CABIN1: variants seen among roughly 807,000 people sequenced by gnomAD.
CABIN1 encodes the protein calcineurin-binding protein cabin-1.
In CABIN1, 133 loss-of-function variants were observed where a neutral mutation model predicts 227.7. That is an observed-to-expected ratio of 0.58 (90% CI 0.51 to 0.67). CABIN1 has a LOEUF of 0.67. CABIN1 is among the 30% of genes least tolerant of loss of function. The pLI is 0.00. For synonymous variants in CABIN1, 1,086 were observed against 1,155.1 expected (o/e 0.94, Z 1.21); for missense variants, 2,408 against 2,852.5 (o/e 0.84, Z 3.55).
intron 29 of CABIN1, among the ~76,000 whole-genome samples, chr22:24,141,520 A>C (rs1299415232): frequency 6.6e-6 from 1 of 152,180 alleles, no homozygotes; most frequent in East Asian, 1.9e-4. Context: ...ACAGGTCCCC[A>C]CAGCCAAGCG....
intron 4 of CABIN1, among the ~76,000 whole-genome samples, chr22:24,039,563 T>C (rs1254119662): frequency 6.6e-6 from 1 of 152,198 alleles, no homozygotes; most frequent in Non-Finnish European, 1.5e-5. Flanking sequence ...TTACTGAGCT[T>C]TGGTTATGGA....
chr22:24,049,504 G>A (rs2038159230), intron 7 of CABIN1, among the ~76,000 whole-genome samples: 1 of 152,094 alleles, frequency 6.6e-6, no homozygotes, highest in Admixed American at 6.5e-5. Context: ...GGATGCTTGG[G>A]GCAGCCTGCT....
intron 1 of CABIN1, among the ~76,000 whole-genome samples, chr22:24,026,555 T>C (rs1601670200): frequency 6.6e-6 from 1 of 152,276 alleles, no homozygotes. Flanking sequence ...TTTTTTGTAT[T>C]ACATGTGAAT....
In CABIN1 at chr22:24,056,376, T is replaced by C. The variant is rs751946444; in HGVS notation, c.1262+16T>C. On this transcript the variant is annotated intron_variant, in intron 10 of 36. Coordinates refer to ENST00000263119, the MANE Select transcript of CABIN1 (RefSeq NM_012295.4). ...TGCCGTCCAGGTACTGTGTATTTTT[T>C]CTGATTGTCAGAAACAAACCCACAA... The C allele has an allele frequency of 1.5e-5, 24 of 1,613,520 alleles. No individual in the cohort carries two copies. In the East Asian group the frequency reaches 4.7e-4, roughly 31 times the overall value.
At chr22:24,074,010 G>A (rs530788601) in intron 18 of CABIN1, among the ~76,000 whole-genome samples, 7 of 13,948 alleles carry the variant, frequency 5.0e-4, no homozygotes, top group Middle Eastern at 0.029. Flanking sequence ...CTTTTTGCTT[G>A]TACCCAATTT....
At chr22:24,087,865 A>G (rs536301060) in intron 23 of CABIN1, 152 bp downstream of exon 23, 1 of 1,060,276 alleles carries the variant, frequency 9.4e-7, no homozygotes, top group Admixed American at 2.1e-5. Flanking sequence ...GGCTTAAGCC[A>G]TACCATGGTC....
intron 27 of CABIN1, among the ~76,000 whole-genome samples, chr22:24,114,471 T>C (rs1003600111): frequency 3.9e-5 from 6 of 152,240 alleles, no homozygotes. Flanking sequence ...TGCTGGGCAC[T>C]GTGTTAATTC....
Position 24,035,360 on chromosome 22 carries a change from G to A in CABIN1, c.-74-84G>A. ...GCCTGTCTGCATAGAGCTCAGGGAA[G>A]GACTGGTTCCTGGTGGACCTTGGCA... On this transcript the variant is annotated intron_variant, in intron 1 of 36. Coordinates refer to ENST00000263119, the MANE Select transcript of CABIN1 (RefSeq NM_012295.4). 3 of 901,202 alleles carry A rather than the reference G, an allele frequency of 3.3e-6. No individual in the cohort carries two copies. In the South Asian group the frequency reaches 4.1e-5, roughly 12 times the overall value. 55.8% of individuals were successfully genotyped at this position (901,202 alleles called of 1,614,324 possible). A position where few individuals can be genotyped will look rare whatever the true frequency, so the allele number is the denominator to read the frequency against.
chr22:24,051,036 G>A (rs185280114), intron 8 of CABIN1, 62 bp downstream of exon 8: 80 of 1,602,912 alleles, frequency 5.0e-5, no homozygotes, highest in South Asian at 4.5e-4. Flanking sequence ...GTGGGATGCT[G>A]CCCTGCACAG....
intron 14 of CABIN1, 144 bp from the exon 15 acceptor site, chr22:24,063,891 C>A (rs1424218832): frequency 1.2e-5 from 11 of 911,604 alleles, no homozygotes; most frequent in African/African-American, 9.8e-5. Context: ...ACATGCCAGG[C>A]CTTTCTTAGG....
chr22:24,076,322 G>C, intron 19 of CABIN1, 38 bp downstream of exon 19: 1 of 1,531,586 alleles, frequency 6.5e-7, no homozygotes, highest in Admixed American at 1.7e-5. Flanking sequence ...TGCCAGTGCG[G>C]GGCAGGGCTG....
chr22:24,074,733 G>A (rs2040323929), intron 18 of CABIN1, among the ~76,000 whole-genome samples: 1 of 152,220 alleles, frequency 6.6e-6, no homozygotes, highest in Admixed American at 6.5e-5. Flanking sequence ...AAGGAAGGCG[G>A]AGGAAGCAGA....
rs1491335662 is a variant in CABIN1, at chr22:24,042,877, T to TG, written c.346-27_346-26insG. The TG allele has an allele frequency of 4.9e-4, 712 of 1,463,224 alleles. 4 individuals are homozygous for TG. Among genetic ancestry groups the TG allele is most frequent in the African/African-American group, 4.3e-3 (288 of 67,346 alleles). 90.6% of individuals were successfully genotyped at this position (1,463,224 alleles called of 1,614,324 possible). The stretch of plus-strand genomic sequence containing the variant: ...GTGTGTGTGTGTGTGTGTGTGTGTG[T>TG]TTGCCCTCTGCTTGTGTCGCTTCCA... On this transcript the variant is annotated intron_variant, in intron 5 of 36. Coordinates refer to ENST00000263119, the MANE Select transcript of CABIN1 (RefSeq NM_012295.4).
At chr22:24,172,073 T>G (rs990857277) in intron 34 of CABIN1, 78 bp downstream of exon 34, 31 of 1,514,164 alleles carry the variant, frequency 2.0e-5, no homozygotes, top group Non-Finnish European at 2.6e-5. Flanking sequence ...AGTGTGAGTA[T>G]GGGTAAGGGA....
At chr22:24,129,414 C>T (rs2043931774) in intron 28 of CABIN1, among the ~76,000 whole-genome samples, 1 of 152,198 alleles carries the variant, frequency 6.6e-6, no homozygotes, top group South Asian at 2.1e-4. Context: ...TAGCTGGCCC[C>T]AGGGAGCATA....
intron 8 of CABIN1, among the ~76,000 whole-genome samples, chr22:24,054,469 C>T (rs547289970): frequency 9.2e-5 from 14 of 152,312 alleles, no homozygotes; most frequent in African/African-American, 2.6e-4. Flanking sequence ...ACAGGCTCTC[C>T]GCATAAAACA....
At chr22:24,157,754 C>G (rs1320494772) in intron 29 of CABIN1, among the ~76,000 whole-genome samples, 1 of 152,200 alleles carries the variant, frequency 6.6e-6, no homozygotes, top group Non-Finnish European at 1.5e-5. Context: ...TTCCCCACAG[C>G]TGCTCCTGAC....
At chr22:24,093,585 T>A (rs1602043531) in intron 24 of CABIN1, among the ~76,000 whole-genome samples, 2 of 151,750 alleles carry the variant, frequency 1.3e-5, no homozygotes, top group East Asian at 3.9e-4. Context: ...AAAAAATGTT[T>A]GGGCCAGGCA....
chr22:24,113,508 T>A, intron 26 of CABIN1, 58 bp from the exon 27 acceptor site: 1 of 1,513,154 alleles, frequency 6.6e-7, no homozygotes. Context: ...GAAGGCCCCC[T>A]GTGTTGGAGG....
Sources: allele counts gnomAD v4.1 joint callset (sites outside exome capture counted in the v4.1 genomes callset), GRCh38; gene constraint gnomAD v4.1.1; transcripts MANE v1.5; gene names NCBI Gene and HGNC (gene_info 2026-07-23, HGNC 2026-07-21).